Variants in CLSTN2 observed in about 807,000 individuals in gnomAD.
CLSTN2 encodes the protein calsyntenin-2.
In CLSTN2, 48 loss-of-function variants were observed where a neutral mutation model predicts 101.2. That is an observed-to-expected ratio of 0.47 (90% CI 0.38 to 0.60). The LOEUF (loss-of-function observed/expected upper bound fraction) is 0.60. Among genes scored for constraint, CLSTN2 ranks in the 20% least tolerant of loss-of-function variants. The probability of loss-of-function intolerance (pLI) is 0.00; values close to 1 mark genes in which losing one functional copy is unlikely to be tolerated. For missense variants in CLSTN2, 1,160 were observed against 1,238.2 expected (o/e 0.94, Z 0.95); for synonymous variants, 481 against 463.6 (o/e 1.04, Z -0.48).
chr3:140,364,468 C>A (rs774603578), intron 2 of CLSTN2, among the ~76,000 whole-genome samples: 6 of 152,140 alleles, frequency 3.9e-5, no homozygotes, highest in Non-Finnish European at 8.8e-5. Flanking sequence ...CTCTGGTGAC[C>A]ACCTTGAAAC....
At chr3:140,484,955 G>A (rs1934206077) in intron 8 of CLSTN2, among the ~76,000 whole-genome samples, 1 of 152,110 alleles carries the variant, frequency 6.6e-6, no homozygotes, top group East Asian at 1.9e-4. Context: ...CTTCTCCTCT[G>A]AACTCATCAA....
At chr3:140,516,967 C>T (rs1934930216) in intron 8 of CLSTN2, among the ~76,000 whole-genome samples, 1 of 152,036 alleles carries the variant, frequency 6.6e-6, no homozygotes, top group Non-Finnish European at 1.5e-5. Context: ...AGAACATCAA[C>T]TAATCTTAGG....
At chr3:140,486,628 C>T (rs1307375919) in intron 8 of CLSTN2, among the ~76,000 whole-genome samples, 2 of 152,124 alleles carry the variant, frequency 1.3e-5, no homozygotes, top group Non-Finnish European at 2.9e-5. Context: ...ACTTCAAGCT[C>T]CAGATGTCAT....
intron 4 of CLSTN2, among the ~76,000 whole-genome samples, chr3:140,416,352 T>C (rs1319398468): frequency 6.6e-6 from 1 of 152,002 alleles, no homozygotes; most frequent in Non-Finnish European, 1.5e-5. Context: ...AGAGTAGATC[T>C]CAACTGAGCT....
chr3:139,993,269 T>C (rs1334423786), intron 1 of CLSTN2, among the ~76,000 whole-genome samples: 1 of 152,170 alleles, frequency 6.6e-6, no homozygotes, highest in Non-Finnish European at 1.5e-5. Flanking sequence ...GGTCTCTCTC[T>C]TTCTCCTTCT....
At chr3:139,952,468 A>T (rs55686634) in intron 1 of CLSTN2, among the ~76,000 whole-genome samples, 2 of 147,270 alleles carry the variant, frequency 1.4e-5, no homozygotes, top group Admixed American at 1.4e-4. Context: ...TTTTGCCCCT[A>T]CATTGGTTCC....
chr3:140,260,881 G>A lies in CLSTN2; in HGVS notation c.232+84808G>A, dbSNP rs558973595. Reference sequence around the variant, plus strand: ...TTTGCTCAGTCAGGTGTTTTGTAGGGTGTCCCTTATTGGAATTTATCTGAT... The same window carrying A: ...TTTGCTCAGTCAGGTGTTTTGTAGGATGTCCCTTATTGGAATTTATCTGAT... On this transcript the variant is annotated intron_variant, in intron 2 of 16. Coordinates refer to ENST00000458420, the MANE Select transcript of CLSTN2 (RefSeq NM_022131.3). Among the ~76,000 whole-genome samples the A allele has an allele frequency of 3.3e-5, 5 of 152,198 alleles. No homozygotes were observed. The East Asian group carries it at 9.7e-4, about 29-fold the overall frequency.
At chr3:140,070,269 C>T (rs942464089) in intron 1 of CLSTN2, among the ~76,000 whole-genome samples, 1 of 152,206 alleles carries the variant, frequency 6.6e-6, no homozygotes, top group Non-Finnish European at 1.5e-5. Flanking sequence ...CGTAGACTCT[C>T]TTCCTAGAAA....
chr3:140,511,356 T>G (rs1298790162), intron 8 of CLSTN2, among the ~76,000 whole-genome samples: 1 of 152,118 alleles, frequency 6.6e-6, no homozygotes, highest in Non-Finnish European at 1.5e-5. Flanking sequence ...TATAATAAAA[T>G]GATTAATATT....
chr3:140,265,988 C>T (rs147903297), intron 2 of CLSTN2, among the ~76,000 whole-genome samples: 18 of 152,316 alleles, frequency 1.2e-4, no homozygotes, highest in African/African-American at 4.3e-4. Flanking sequence ...TACATGGCCT[C>T]AGCTCAGCCA....
intron 5 of CLSTN2, among the ~76,000 whole-genome samples, chr3:140,423,054 G>A (rs1397259977): frequency 1.3e-5 from 2 of 152,214 alleles, no homozygotes; most frequent in East Asian, 3.8e-4. Flanking sequence ...GAGAATTTAA[G>A]TAGGAAAAGC....
At chr3:140,233,780 G>C (rs2086391797) in intron 2 of CLSTN2, among the ~76,000 whole-genome samples, 1 of 152,148 alleles carries the variant, frequency 6.6e-6, no homozygotes, top group South Asian at 2.1e-4. Context: ...TGTTTAGCTT[G>C]AAACATATTT....
At chr3:140,422,715 T>C (rs976461640) in intron 5 of CLSTN2, among the ~76,000 whole-genome samples, 3 of 152,188 alleles carry the variant, frequency 2.0e-5, no homozygotes, top group African/African-American at 7.2e-5. Context: ...AGTGGGAAAC[T>C]TTGTTTTCCC....
At chr3:140,379,090 G>C (rs1035894062) in intron 2 of CLSTN2, among the ~76,000 whole-genome samples, 1 of 152,172 alleles carries the variant, frequency 6.6e-6, no homozygotes, top group Non-Finnish European at 1.5e-5. Flanking sequence ...TTCCAATCTT[G>C]TTGTCTGGCA....
intron 2 of CLSTN2, among the ~76,000 whole-genome samples, chr3:140,355,217 A>G (rs2087656766): frequency 6.6e-6 from 1 of 152,212 alleles, no homozygotes; most frequent in South Asian, 2.1e-4. Flanking sequence ...TTATTTAACA[A>G]AGACATTTCT....
intron 2 of CLSTN2, among the ~76,000 whole-genome samples, chr3:140,389,946 C>A (rs1050805588): frequency 6.6e-6 from 1 of 151,998 alleles, no homozygotes; most frequent in African/African-American, 2.4e-5. Context: ...GTAATGCTAG[C>A]CTCTTAAAAA....
chr3:140,430,897 A>C (rs1269469357), intron 5 of CLSTN2, among the ~76,000 whole-genome samples: 1 of 152,196 alleles, frequency 6.6e-6, no homozygotes, highest in Non-Finnish European at 1.5e-5. Flanking sequence ...ATGGAATTCA[A>C]ATTCGTATCA....
chr3:140,039,267 G>A lies in CLSTN2; in HGVS notation c.109+103784G>A, dbSNP rs144033782. ...ATTACTTTAAAATAAATTTTAAAAT[G>A]TGAAATTTCTGGGTCCAGGGGGTAG... On this transcript the variant is annotated intron_variant, in intron 1 of 16. Coordinates refer to ENST00000458420, the MANE Select transcript of CLSTN2 (RefSeq NM_022131.3). Among the ~76,000 whole-genome samples the A allele has an allele frequency of 7.0e-3, 1,061 of 152,160 alleles. 6 individuals are homozygous for A. Among genetic ancestry groups the A allele is most frequent in the Non-Finnish European group, 0.013 (856 of 68,006 alleles).
At chr3:139,989,962 C>A (rs12630457) in intron 1 of CLSTN2, among the ~76,000 whole-genome samples, 24,611 of 152,212 alleles carry the variant, frequency 0.16, 2,593 homozygotes, top group Admixed American at 0.31. Flanking sequence ...TTTTTTCTTA[C>A]AAATTACAAG....
Sources: allele counts gnomAD v4.1 joint callset (sites outside exome capture counted in the v4.1 genomes callset), GRCh38; gene constraint gnomAD v4.1.1; transcripts MANE v1.5; gene names NCBI Gene and HGNC (gene_info 2026-07-23, HGNC 2026-07-21).